ATP10B: variants seen among roughly 807,000 people sequenced by gnomAD.
ATP10B encodes ATPase phospholipid transporting 10B (putative), also known as phospholipid-transporting ATPase VB.
In ATP10B, 122 loss-of-function variants were observed where a neutral mutation model predicts 141.2. The observed-to-expected ratio is 0.86, with a 90% CI of 0.75 to 1.00. ATP10B has a LOEUF of 1.00. ATP10B is among the 50% of genes least tolerant of loss of function. The pLI is 0.00. For missense variants in ATP10B, 1,876 were observed against 1,825.3 expected, an observed-to-expected ratio of 1.03 and a Z score of -0.51; for synonymous variants, 685 against 692.0, an observed-to-expected ratio of 0.99 and a Z score of 0.16.
intron 13 of ATP10B, among the ~76,000 whole-genome samples, chr5:160,630,045 C>A (rs1233326418): frequency 6.6e-6 from 1 of 152,200 alleles, no homozygotes; most frequent in Admixed American, 6.5e-5. Context: ...ACTCTTAGCC[C>A]AGTGCCCTTC....
chr5:160,600,723 C>T (rs1421132742), intron 21 of ATP10B, among the ~76,000 whole-genome samples: 2 of 152,136 alleles, frequency 1.3e-5, no homozygotes, highest in Admixed American at 1.3e-4. Context: ...TGCATTGAAC[C>T]CCATGGCAGC....
chr5:160,596,361 C>T (rs1581173077), intron 22 of ATP10B, among the ~76,000 whole-genome samples: 1 of 151,312 alleles, frequency 6.6e-6, no homozygotes, highest in Admixed American at 6.6e-5. Context: ...GCTAAAAACT[C>T]TCAATAAATT....
intron 22 of ATP10B, among the ~76,000 whole-genome samples, chr5:160,597,479 T>G (rs939823635): frequency 1.6e-4 from 25 of 152,146 alleles, no homozygotes; most frequent in African/African-American, 5.1e-4. Context: ...CAGGACATAG[T>G]CATGCACAAG....
the ATP10B span, among the ~76,000 whole-genome samples, chr5:160,883,618 G>C: frequency 6.6e-6 from 1 of 152,148 alleles, no homozygotes; most frequent in Non-Finnish European, 1.5e-5. Flanking sequence ...ACATGCCTTA[G>C]TTTATCACGT....
chr5:160,639,386 T>G (rs1759655445), intron 10 of ATP10B, among the ~76,000 whole-genome samples: 1 of 152,176 alleles, frequency 6.6e-6, no homozygotes, highest in African/African-American at 2.4e-5. Context: ...AGGTCATAGA[T>G]CTTGAGATGG....
intron 25 of ATP10B, 105 bp from the exon 26 acceptor site, chr5:160,566,005 A>G (rs1438068399): frequency 7.5e-5 from 83 of 1,106,396 alleles, no homozygotes; most frequent in Non-Finnish European, 1.0e-4. Context: ...CTGGAGCAAG[A>G]TCCTCTTTAC....
chr5:160,650,413 T>A (rs1581263703), intron 7 of ATP10B, among the ~76,000 whole-genome samples: 1 of 152,164 alleles, frequency 6.6e-6, no homozygotes, highest in Non-Finnish European at 1.5e-5. Flanking sequence ...CCCACCAAGG[T>A]TGCCTAGGCT....
intron 24 of ATP10B, among the ~76,000 whole-genome samples, chr5:160,588,835 G>A (rs1055365254): frequency 2.0e-5 from 3 of 152,230 alleles, no homozygotes; most frequent in African/African-American, 7.2e-5. Flanking sequence ...AATCAGAAAG[G>A]TGACATTGCC....
chr5:160,599,614 C>T (rs185256310), intron 21 of ATP10B, among the ~76,000 whole-genome samples: 2 of 152,192 alleles, frequency 1.3e-5, no homozygotes, highest in African/African-American at 4.8e-5. Flanking sequence ...ATGAGCAGGA[C>T]ACCTGGTAGG....
At chr5:160,704,515 C>T (rs947674419) in intron 3 of ATP10B, among the ~76,000 whole-genome samples, 1 of 152,130 alleles carries the variant, frequency 6.6e-6, no homozygotes, top group Non-Finnish European at 1.5e-5. Context: ...GTAGATTTAG[C>T]ATAATTCTTA....
chr5:160,632,529 A>G (rs1326657987), intron 12 of ATP10B, 162 bp from the exon 13 acceptor site: 8 of 612,326 alleles, frequency 1.3e-5, no homozygotes, highest in Non-Finnish European at 2.3e-5. Flanking sequence ...GAAGGGTAAA[A>G]CTAAGTCCCA....
intron 22 of ATP10B, among the ~76,000 whole-genome samples, chr5:160,593,502 G>C (rs371158785): frequency 0.012 from 1,837 of 152,352 alleles, 36 homozygotes; most frequent in African/African-American, 0.042. Flanking sequence ...ACTCTAAAAA[G>C]CAGAGCGCCT....
At chr5:160,688,987 C>T in intron 3 of ATP10B, 44 bp from the exon 4 acceptor site, 1 of 965,916 alleles carries the variant, frequency 1.0e-6, no homozygotes, top group Non-Finnish European at 1.2e-6. Flanking sequence ...GCCCAGGTGG[C>T]AAAGAAATGC....
At chr5:160,624,611 C>G (rs1041978837) in intron 13 of ATP10B, among the ~76,000 whole-genome samples, 1 of 152,206 alleles carries the variant, frequency 6.6e-6, no homozygotes, top group Non-Finnish European at 1.5e-5. Flanking sequence ...ATTATCCATG[C>G]TCTCTGCCTT....
At chr5:160,891,513 T>C in the ATP10B span, among the ~76,000 whole-genome samples, 2 of 152,208 alleles carry the variant, frequency 1.3e-5, no homozygotes, top group African/African-American at 4.8e-5. Context: ...TGGAGTGCAG[T>C]GGCGCAGTCT....
At chr5:160,813,188 C>T (rs1006915888) in intron 1 of ATP10B, among the ~76,000 whole-genome samples, 31 of 152,214 alleles carry the variant, frequency 2.0e-4, no homozygotes, top group East Asian at 1.2e-3. Flanking sequence ...GGCGAGGCAT[C>T]GCCTCACCCG....
At chr5:160,739,147 T>C (rs374925440) in intron 2 of ATP10B, among the ~76,000 whole-genome samples, 1 of 152,234 alleles carries the variant, frequency 6.6e-6, no homozygotes, top group Non-Finnish European at 1.5e-5. Flanking sequence ...CTTCCATTTA[T>C]GGTAAAATCT....
the ATP10B span, among the ~76,000 whole-genome samples, chr5:160,860,418 G>T: frequency 8.6e-5 from 13 of 151,930 alleles, no homozygotes; most frequent in Middle Eastern, 3.4e-3. Flanking sequence ...AATGGGTCTT[G>T]TCTACCTTTC....
intron 10 of ATP10B, 65 bp from the exon 11 acceptor site, chr5:160,636,374 AC>A: frequency 6.5e-7 from 1 of 1,547,812 alleles, no homozygotes; most frequent in Non-Finnish European, 8.8e-7. Context: ...GGTCAATTAT[AC>A]CAGCCCTTGA....
Sources: allele counts gnomAD v4.1 joint callset (sites outside exome capture counted in the v4.1 genomes callset), GRCh38; gene constraint gnomAD v4.1.1; transcripts MANE v1.5; gene names NCBI Gene and HGNC (gene_info 2026-07-23, HGNC 2026-07-21).